RARB: variants seen among roughly 807,000 people sequenced by gnomAD.
RARB encodes the protein HBV-activated protein.
In RARB, 17 loss-of-function variants were observed where a neutral mutation model predicts 51.9. The ratio of observed to expected loss-of-function variants is 0.33; its 90% CI spans 0.22 to 0.49. The LOEUF is 0.49. Among genes scored for constraint, RARB ranks in the 20% least tolerant of loss-of-function variants. RARB has a pLI of 0.99. For missense variants in RARB, 369 were observed against 550.8 expected, an observed-to-expected ratio of 0.67 and a Z score of 3.30; for synonymous variants, 215 against 195.4, an observed-to-expected ratio of 1.10 and a Z score of -0.84.
At chr3:25,103,642 TTTCTC>T (rs1253695501) in intron 3 of RARB, among the ~76,000 whole-genome samples, 1 of 152,206 alleles carries the variant, frequency 6.6e-6, no homozygotes, top group Non-Finnish European at 1.5e-5. Flanking sequence ...ATACAGATCT[TTTCTC>T]AGCTAATCCT....
intron 2 of RARB, among the ~76,000 whole-genome samples, chr3:25,466,864 C>T (rs1203969407): frequency 6.6e-6 from 1 of 152,202 alleles, no homozygotes; most frequent in East Asian, 1.9e-4. Context: ...ACTTTGTTTA[C>T]AAAAGCAGTG....
chr3:24,915,038 T>C (rs749383746), intron 2 of RARB, among the ~76,000 whole-genome samples: 25 of 152,222 alleles, frequency 1.6e-4, no homozygotes, highest in African/African-American at 5.8e-4. Flanking sequence ...ATTTGAAACA[T>C]AGAAGTAGTC....
chr3:24,922,366 G>A (rs1354036706), intron 2 of RARB, among the ~76,000 whole-genome samples: 1 of 152,168 alleles, frequency 6.6e-6, no homozygotes, highest in African/African-American at 2.4e-5. Context: ...TATCTTCAGG[G>A]AAGAGAGAAT....
chr3:25,586,375 G>A (rs1701390145), intron 5 of RARB, among the ~76,000 whole-genome samples: 1 of 152,152 alleles, frequency 6.6e-6, no homozygotes, highest in African/African-American at 2.4e-5. Context: ...AGTGAGAGTA[G>A]GAACCATCTT....
intron 2 of RARB, among the ~76,000 whole-genome samples, chr3:24,971,481 C>G (rs886392172): frequency 3.3e-5 from 5 of 151,968 alleles, no homozygotes; most frequent in Non-Finnish European, 7.4e-5. Context: ...TAGACCAATA[C>G]CAGTAATTCG....
At chr3:25,588,634 C>G (rs1701496646) in intron 5 of RARB, among the ~76,000 whole-genome samples, 1 of 152,208 alleles carries the variant, frequency 6.6e-6, no homozygotes, top group Non-Finnish European at 1.5e-5. Context: ...GGCTCGGTAT[C>G]TGTCATGAAA....
At chr3:25,060,265 C>G (rs1034147716) in intron 3 of RARB, 2 of 151,682 alleles carry the variant, frequency 1.3e-5, no homozygotes, top group Non-Finnish European at 3.0e-5. Flanking sequence ...TCAAATATAA[C>G]CGTAGTTTGG....
rs559733108 is a variant in RARB at position 25,013,171 on chromosome 3, G to T, written c.-379-46954G>T. Among the ~76,000 whole-genome samples, 141 of 152,176 alleles carry T rather than the reference G, an allele frequency of 9.3e-4. 1 individual carries two copies. Among genetic ancestry groups the T allele is most frequent in the Non-Finnish European group, 1.9e-3 (126 of 67,992 alleles). ...GCAGACAGCATTGCCTTGAAGAAATGACTGAATAGTTACATTAGGTCTGGA... is the reference window on the plus strand; with the variant it reads ...GCAGACAGCATTGCCTTGAAGAAATTACTGAATAGTTACATTAGGTCTGGA... On this transcript the variant is annotated intron_variant, in intron 2 of 11. Transcript: ENST00000383772.
chr3:25,323,571 TG>T (rs750179866), intron 5 of RARB, among the ~76,000 whole-genome samples: 27 of 152,236 alleles, frequency 1.8e-4, no homozygotes, highest in Non-Finnish European at 3.2e-4. Flanking sequence ...ATGCATGGAA[TG>T]GGAAAGTAGA....
chr3:25,343,879 A>T (rs1018147665), intron 5 of RARB, among the ~76,000 whole-genome samples: 1 of 152,222 alleles, frequency 6.6e-6, no homozygotes, highest in African/African-American at 2.4e-5. Context: ...TTGGTGAAGA[A>T]GGAACTAAAA....
At chr3:25,078,284 C>G (rs938903500) in intron 3 of RARB, among the ~76,000 whole-genome samples, 2 of 152,082 alleles carry the variant, frequency 1.3e-5, no homozygotes, top group Non-Finnish European at 2.9e-5. Context: ...CTTTAATTCA[C>G]TCTAACTTTT....
rs528351832 is a variant in RARB, at chr3:25,381,056, T to C, written c.179-80137T>C. ...CTTCCTTCACTCAGGCTTCCGTTTTTCTATTTGTCAAGTCTTTCTGCATTC... is the reference window on the plus strand; with the variant it reads ...CTTCCTTCACTCAGGCTTCCGTTTTCCTATTTGTCAAGTCTTTCTGCATTC... On this transcript the variant is annotated intron_variant, in intron 5 of 11. Transcript: ENST00000383772. 1.6e-4 allele frequency among the ~76,000 whole-genome samples: 25 copies of C among 152,344 alleles called. No individual in the cohort carries two copies. In the South Asian group the frequency reaches 5.2e-3, roughly 32 times the overall value.
chr3:25,321,752 A>G (rs1704576299), intron 5 of RARB, among the ~76,000 whole-genome samples: 1 of 152,032 alleles, frequency 6.6e-6, no homozygotes, highest in African/African-American at 2.4e-5. Context: ...GCTGTCAGCC[A>G]TTTGAGTCTT....
intron 4 of RARB, among the ~76,000 whole-genome samples, chr3:25,142,839 T>C (rs1700131025): frequency 6.6e-6 from 1 of 151,956 alleles, no homozygotes; most frequent in Non-Finnish European, 1.5e-5. Context: ...CGGGAGAAAA[T>C]GTGGCCACTG....
Position 25,282,750 on chromosome 3 carries a change from CTG to C in RARB, c.178+108177_178+108178del, listed in dbSNP as rs1480298570. On this transcript the variant is annotated intron_variant, in intron 5 of 11. Transcript: ENST00000383772. The stretch of plus-strand genomic sequence containing the variant: ...ATAACTGTGATCCATCATTTAGAAA[CTG>C]TTGCTGATGTGTTTGTCAGTGCACC... 3.3e-5 allele frequency among the ~76,000 whole-genome samples: 5 copies of C among 152,194 alleles called. No homozygotes were observed. In the East Asian group the frequency reaches 9.7e-4, roughly 29 times the overall value.
At chr3:25,183,241 G>A (rs948747988) in intron 5 of RARB, among the ~76,000 whole-genome samples, 1 of 151,924 alleles carries the variant, frequency 6.6e-6, no homozygotes, top group Non-Finnish European at 1.5e-5. Context: ...TGGCTTCTTT[G>A]GCTTGGACTA....
chr3:25,464,657 T>TC (rs1559416590), intron 2 of RARB, among the ~76,000 whole-genome samples: 1 of 151,898 alleles, frequency 6.6e-6, no homozygotes, highest in Non-Finnish European at 1.5e-5. Context: ...AAATATAACT[T>TC]TAAAAAAATT....
intron 5 of RARB, among the ~76,000 whole-genome samples, chr3:25,402,074 C>T (rs1235322411): frequency 6.6e-6 from 1 of 151,950 alleles, no homozygotes; most frequent in Non-Finnish European, 1.5e-5. Flanking sequence ...CTGCACCCAG[C>T]CTGAAAATTT....
chr3:24,855,908 C>T (rs920949286), intron 1 of RARB, among the ~76,000 whole-genome samples: 30 of 151,934 alleles, frequency 2.0e-4, no homozygotes, highest in African/African-American at 6.3e-4. Context: ...CCCACCACCA[C>T]GCCCAGCTAA....
Sources: allele counts gnomAD v4.1 joint callset (sites outside exome capture counted in the v4.1 genomes callset), GRCh38; gene constraint gnomAD v4.1.1; transcripts MANE v1.5; gene names NCBI Gene and HGNC (gene_info 2026-07-23, HGNC 2026-07-21).